NEB: variants seen among roughly 807,000 people sequenced by gnomAD.
The protein encoded by NEB is nemaline myopathy type 2.
In NEB, 512 loss-of-function variants were observed where a neutral mutation model predicts 952.2. The ratio of observed to expected loss-of-function variants is 0.54; its 90% CI spans 0.50 to 0.58. The LOEUF (loss-of-function observed/expected upper bound fraction) is 0.58. NEB is among the 20% of genes least tolerant of loss of function. The pLI is 0.00. For synonymous variants in NEB, 2,900 were observed against 3,149.8 expected, an observed-to-expected ratio of 0.92 and a Z score of 2.66; for missense variants, 8,428 against 9,231.1, an observed-to-expected ratio of 0.91 and a Z score of 3.56.
chr2:151,564,206 G>A (rs891004449), intron 117 of NEB, among the ~76,000 whole-genome samples: 7 of 152,024 alleles, frequency 4.6e-5, no homozygotes, highest in Non-Finnish European at 8.8e-5. Flanking sequence ...CCAGGCTGGA[G>A]TGCAGTGCCG....
rs1218267074 is a variant in NEB, at chr2:151,513,637, C to T, written c.23184G>A (p.Met7728Ile). 1 of 1,610,476 alleles carries T rather than the reference C, an allele frequency of 6.2e-7. No individual in the cohort carries two copies. Among genetic ancestry groups the T allele is most frequent in the East Asian group, 2.2e-5 (1 of 44,838 alleles). ...LEVKGRGLNA[M>I]ANETPDFMRA... ...TCATAAAATCCGGAGTTTCATTGGC[C>T]ATGGCATTCAGGCCTCTTCCTTTGA... Residue 7728 changes from methionine (M) to isoleucine (I), a missense_variant, in exon 160 of 182, where the codon ATG becomes ATA. Coordinates refer to ENST00000397345, the MANE Select transcript of NEB (RefSeq NM_001164508.2).
intron 181 of NEB, chr2:151,486,162 A>G (rs955912305): frequency 1.3e-5 from 6 of 462,864 alleles, no homozygotes; most frequent in African/African-American, 3.9e-5. Flanking sequence ...CTACAACTCA[A>G]TGCCTTCCCC....
chr2:151,669,611 A>C (rs766285669), intron 38 of NEB, among the ~76,000 whole-genome samples: 2 of 152,074 alleles, frequency 1.3e-5, no homozygotes, highest in Non-Finnish European at 2.9e-5. Context: ...CCTTGAGGAA[A>C]TGAAAGCAGT....
chr2:151,518,862 T>A (rs1017182649), intron 155 of NEB, 103 bp downstream of exon 155: 1 of 721,042 alleles, frequency 1.4e-6, no homozygotes, highest in African/African-American at 1.8e-5. Flanking sequence ...TTGTAATAAA[T>A]CTAGGGTATC....
Position 151,675,399 on chromosome 2 carries a change from A to G in NEB, c.3775-8T>C, listed in dbSNP as rs1470998589. The G allele has an allele frequency of 6.5e-7, 1 of 1,529,094 alleles. No individual in the cohort carries two copies. The highest frequency in any genetic ancestry group is 1.9e-5 in the Admixed American group (1 of 52,150). 94.7% of individuals were successfully genotyped at this position (1,529,094 alleles called of 1,614,324 possible). A position where few individuals can be genotyped will look rare whatever the true frequency, so the allele number is the denominator to read the frequency against. On this transcript the variant is annotated splice_polypyrimidine_tract_variant and splice_region_variant and intron_variant, in intron 34 of 181. Coordinates refer to ENST00000397345, the MANE Select transcript of NEB (RefSeq NM_001164508.2). ...TTTAGCCTTGTATAAGATCTGCAAT[A>G]AAATGCATTTCACATAGTGCAAAAA...
At chr2:151,534,640 G>GATC (rs2092696243) in intron 142 of NEB, among the ~76,000 whole-genome samples, 1 of 152,202 alleles carries the variant, frequency 6.6e-6, no homozygotes, top group Admixed American at 6.5e-5. Flanking sequence ...ATAGGGTACT[G>GATC]ATCAGCTACA....
rs747873337 is a variant in NEB at position 151,503,349 on chromosome 2, C to T, written c.23835G>A (p.Ser7945=). 20 of 1,600,084 alleles carry T rather than the reference C, an allele frequency of 1.2e-5. No individual in the cohort carries two copies. The highest frequency in any genetic ancestry group is 4.4e-5 in the South Asian group (4 of 90,254). The change falls in exon 166 of 182, where the codon TCG becomes TCA. Residue 7945 remains serine (S), a splice_region_variant and synonymous_variant. Coordinates refer to ENST00000397345, the MANE Select transcript of NEB (RefSeq NM_001164508.2). ...TCTTATATGATATATTTGTAAATAC[C>T]GAGCTAAAGTTCTCTTGATTGCGTT... ...RVKRNQENFS[S]VLYKENLGKG...
chr2:151,712,070 C>T (rs568531004), intron 10 of NEB, among the ~76,000 whole-genome samples: 1 of 152,178 alleles, frequency 6.6e-6, no homozygotes, highest in Admixed American at 6.5e-5. Flanking sequence ...ACTGAGAAAG[C>T]TATAAAATGC....
chr2:151,627,341 A>G, intron 69 of NEB, 136 bp from the exon 70 acceptor site: 1 of 1,361,692 alleles, frequency 7.3e-7, no homozygotes, highest in Non-Finnish European at 9.9e-7. Flanking sequence ...GCCAAATTGA[A>G]TACAGTCTCA....
intron 179 of NEB, chr2:151,491,420 A>G (rs986358284): frequency 2.9e-6 from 1 of 339,642 alleles, no homozygotes; most frequent in Admixed American, 4.0e-5. Context: ...TAGAATTACT[A>G]CTGTTTTTTC....
chr2:151,682,564 G>T, intron 29 of NEB, 98 bp downstream of exon 29: 2 of 997,252 alleles, frequency 2.0e-6, no homozygotes, highest in Non-Finnish European at 3.0e-6. Flanking sequence ...CAGCAACAGT[G>T]ACTGAGAATG....
Position 151,694,494 on chromosome 2 carries a change from C to G in NEB, c.1782+28G>C, listed in dbSNP as rs373238925. 1.7e-5 allele frequency: 28 copies of G among 1,613,572 alleles called. No individual in the cohort carries two copies. The African/African-American group carries it at 3.5e-4, about 20-fold the overall frequency. ...CAAGAGGAAATGTCCCCGAAGCCAG[C>G]CTGTCCAGGTCCCCAGGCCACACTC... is the stretch of plus-strand genomic sequence containing the variant. On this transcript the variant is annotated intron_variant, in intron 19 of 181. Transcript: ENST00000397345.
rs576457241 is a variant in NEB, at chr2:151,609,995, C to T, written c.12144G>A (p.Lys4048=). 3.1e-6 allele frequency: 5 copies of T among 1,613,942 alleles called. No individual in the cohort carries two copies. Among genetic ancestry groups the T allele is most frequent in the Non-Finnish European group, 3.4e-6 (4 of 1,179,870 alleles). ...TGGTTTTCCACTTTTGGAATTCCTT[C>T]TTGTACTCCCTTTCACTTTGAATTT... The part of the protein sequence containing the change: ...AGKIQSEREY[K]KEFQKWKTKF... The change falls in exon 81 of 182, where the codon AAG becomes AAA. Residue 4048 remains lysine, a synonymous_variant. Coordinates refer to ENST00000397345, the MANE Select transcript of NEB (RefSeq NM_001164508.2).
At chr2:151,620,321 T>G (rs2098369238) in intron 72 of NEB, among the ~76,000 whole-genome samples, 1 of 122,528 alleles carries the variant, frequency 8.2e-6, no homozygotes, top group Admixed American at 8.7e-5. Flanking sequence ...GATGGTAAAT[T>G]TTATTATATA....
At chr2:151,675,895 G>C (rs1178635408) in intron 34 of NEB, among the ~76,000 whole-genome samples, 1 of 152,008 alleles carries the variant, frequency 6.6e-6, no homozygotes, top group Admixed American at 6.6e-5. Context: ...TACTCAAAAG[G>C]CTCACTATTT....
chr2:151,553,496 A>G lies in NEB; in HGVS notation c.19633T>C (p.Tyr6545His). Residue 6545 changes from tyrosine (Y) to histidine (H), a missense_variant, in exon 127 of 182, where the codon TAC becomes CAC. By Grantham distance (83) the Tyr-to-His change is moderately conservative. Transcript: ENST00000397345. Reference sequence around the variant, plus strand: ...TTCAGCCAGTTGAGGTCATCCTTGTATACAATCTAGAGGGTTTTGATAGAA... The same window carrying G: ...TTCAGCCAGTTGAGGTCATCCTTGTGTACAATCTAGAGGGTTTTGATAGAA... ...KVTDQISDIV[Y>H]KDDLNWLKGI... 1 of 1,608,908 alleles carries G rather than the reference A, an allele frequency of 6.2e-7. No individual in the cohort carries two copies. The highest frequency in any genetic ancestry group is 1.3e-5 in the African/African-American group (1 of 74,930).
At chr2:151,691,766 A>G in intron 23 of NEB, 98 bp downstream of exon 23, 1 of 920,410 alleles carries the variant, frequency 1.1e-6, no homozygotes, top group South Asian at 1.4e-5. Flanking sequence ...ATCTCCTTCT[A>G]ATCACTAGAT....
Position 151,565,546 on chromosome 2 carries a change from A to G in NEB, c.18321T>C (p.Pro6107=). The G allele has an allele frequency of 1.2e-6, 2 of 1,603,362 alleles. No individual in the cohort carries two copies. Among genetic ancestry groups the G allele is most frequent in the Non-Finnish European group, 8.5e-7 (1 of 1,171,118 alleles). ...NYPNFRSVVD[P]PEIVLAKINS... ...TAATCTTGGCTAAAACAATCTCTGG[A>G]GGATCCACCACACTTCTAAAGTTAG... The change falls in exon 116 of 182, where the codon CCT becomes CCC. Residue 6107 remains proline, a synonymous_variant. Transcript: ENST00000397345.
chr2:151,541,601 A>G, intron 135 of NEB, 50 bp from the exon 136 acceptor site: 1 of 1,440,302 alleles, frequency 6.9e-7, no homozygotes, highest in Non-Finnish European at 9.8e-7. Flanking sequence ...TGGGCATGTT[A>G]TGTTCTCTGC....
Sources: gnomAD v4.1 joint callset for allele counts (sites outside exome capture counted in the v4.1 genomes callset) on GRCh38, gnomAD v4.1.1 for gene constraint, MANE v1.5 for transcripts, NCBI Gene and HGNC (gene_info 2026-07-23, HGNC 2026-07-21) for gene names.